The following KCNK5 variants were observed in gnomAD, a reference collection of about 807,000 sequenced individuals.
The protein encoded by KCNK5 is potassium two pore domain channel subfamily K member 5.
Under a neutral mutation model 32.9 loss-of-function variants are expected in KCNK5, and 18 were observed. The observed-to-expected ratio is 0.55, with a 90% CI of 0.38 to 0.81. The LOEUF is 0.81. Ranked by LOEUF, KCNK5 falls within the 30% of genes least tolerant of loss-of-function variation. KCNK5 has a pLI of 0.00. For missense variants in KCNK5, 507 were observed against 651.0 expected, an observed-to-expected ratio of 0.78 and a Z score of 2.41; for synonymous variants, 276 against 275.3, an observed-to-expected ratio of 1.00 and a Z score of -0.03.
intron 1 of KCNK5, among the ~76,000 whole-genome samples, chr6:39,200,080 G>C (rs1562052120): frequency 6.6e-6 from 1 of 152,218 alleles, no homozygotes; most frequent in African/African-American, 2.4e-5. Flanking sequence ...CCATCACTGG[G>C]TTAGGGGAAG....
intron 1 of KCNK5, among the ~76,000 whole-genome samples, chr6:39,208,950 C>T (rs929487052): frequency 3.9e-5 from 6 of 152,132 alleles, no homozygotes; most frequent in African/African-American, 1.2e-4. Context: ...ATTAGCTGGG[C>T]ATGGTGGTGC....
intron 1 of KCNK5, among the ~76,000 whole-genome samples, chr6:39,217,140 A>AAAAG (rs1562057370): frequency 2.7e-5 from 4 of 146,302 alleles, no homozygotes; most frequent in Admixed American, 6.8e-5. Flanking sequence ...AAAAAAAAAA[A>AAAAG]AAAGAAAGAA....
Position 39,194,415 on chromosome 6 carries a change from G to C in KCNK5, c.466-78C>G. ...GCAAAGGCACCCAGAGGGCCAGGGAGGCAGCTAGAGGAGAAGCTAGCTGGG... is the reference window on the plus strand; with the variant it reads ...GCAAAGGCACCCAGAGGGCCAGGGACGCAGCTAGAGGAGAAGCTAGCTGGG... On this transcript the variant is annotated intron_variant, in intron 3 of 4. Transcript: ENST00000359534. This position sits in a 1 kb window ranked among gnomAD's most constrained non-coding sequence, Gnocchi z 4.7. 1 of 1,503,988 alleles carries C rather than the reference G, an allele frequency of 6.6e-7. No homozygotes were observed. The allele number at this position is 1,503,988 out of a possible 1,614,324, so 93.2% of individuals were successfully genotyped here. A position where few individuals can be genotyped will look rare whatever the true frequency, so the allele number is the denominator to read the frequency against.
intron 1 of KCNK5, among the ~76,000 whole-genome samples, chr6:39,211,603 A>G (rs898520586): frequency 6.6e-6 from 1 of 152,236 alleles, no homozygotes; most frequent in African/African-American, 2.4e-5. Context: ...CCCACTGGCT[A>G]CGGAGCACTA....
At chr6:39,195,032 C>T (rs1771005254) in intron 2 of KCNK5, among the ~76,000 whole-genome samples, 1 of 152,166 alleles carries the variant, frequency 6.6e-6, no homozygotes, top group Non-Finnish European at 1.5e-5. Context: ...CTATATGGTA[C>T]CACTGTGCAA....
Position 39,191,185 on chromosome 6 carries a change from C to A in KCNK5, c.1205G>T (p.Cys402Phe). ...MNQLDRISEE[C>F]EPWDAQDYHP... ...GTAGTCCTGGGCGTCCCATGGCTCG[C>A]ATTCCTCGCTGATGCGGTCCAGCTG... Residue 402 changes from cysteine to phenylalanine, a missense_variant, in exon 5 of 5, where the codon TGC becomes TTC. Physicochemically the swap from Cys to Phe is radical, Grantham distance 205 (BLOSUM62 -2). Coordinates refer to ENST00000359534, the MANE Select transcript of KCNK5 (RefSeq NM_003740.4). The surrounding 1 kb of genome is among the most constrained non-coding windows in gnomAD (Gnocchi z 5.8). 1 of 1,614,220 alleles carries A rather than the reference C, an allele frequency of 6.2e-7. No individual in the cohort carries two copies. Among genetic ancestry groups the A allele is most frequent in the Non-Finnish European group, 8.5e-7 (1 of 1,180,046 alleles).
At chr6:39,228,839 C>A (rs1018254267) in intron 1 of KCNK5, 87 bp downstream of exon 1, 5 of 1,364,384 alleles carry the variant, frequency 3.7e-6, no homozygotes, top group Non-Finnish European at 4.1e-6. Context: ...TGAGGGTCAC[C>A]CAAAGCTGTG....
chr6:39,194,432 C>T lies in KCNK5; in HGVS notation c.466-95G>A. ...GCCAGGGAGGCAGCTAGAGGAGAAG[C>T]TAGCTGGGTACCCAGCCTGACCCGG... On this transcript the variant is annotated intron_variant, in intron 3 of 4. Transcript: ENST00000359534. This position sits in a 1 kb window ranked among gnomAD's most constrained non-coding sequence, Gnocchi z 4.7. 6.9e-7 allele frequency: 1 copy of T among 1,453,130 alleles called. No individual in the cohort carries two copies. The highest frequency in any genetic ancestry group is 1.3e-5 in the South Asian group (1 of 74,816). The allele number at this position is 1,453,130 out of a possible 1,614,324, so 90.0% of individuals were successfully genotyped here. A position where few individuals can be genotyped will look rare whatever the true frequency, so the allele number is the denominator to read the frequency against.
intron 1 of KCNK5, among the ~76,000 whole-genome samples, chr6:39,220,024 T>G (rs1017746842): frequency 3.3e-5 from 5 of 152,162 alleles, no homozygotes; most frequent in Admixed American, 6.5e-5. Context: ...TACACAGTAG[T>G]TCAGATGAGG....
At position 39,215,855 on chromosome 6, in the gene KCNK5, G is replaced by A. The variant is rs537667771; in HGVS notation, c.186+13071C>T. ...ACCACAAACCTGTCAAGCAGCAGGCGTTAGAAGCAGTAAACAAAAGTCAGG... is the reference window on the plus strand; with the variant it reads ...ACCACAAACCTGTCAAGCAGCAGGCATTAGAAGCAGTAAACAAAAGTCAGG... On this transcript the variant is annotated intron_variant, in intron 1 of 4. Transcript: ENST00000359534. Among the ~76,000 whole-genome samples the A allele has an allele frequency of 7.9e-5, 12 of 152,312 alleles. No homozygotes were observed. The East Asian group carries it at 1.7e-3, about 22-fold the overall frequency.
chr6:39,223,159 A>G lies in KCNK5; in HGVS notation c.186+5767T>C, dbSNP rs150930456. ...GACCGCTCCATTGCAGCATAGGAATATCTGGGCATAGCAGAAATGGCAGCT... is the reference window on the plus strand; with the variant it reads ...GACCGCTCCATTGCAGCATAGGAATGTCTGGGCATAGCAGAAATGGCAGCT... On this transcript the variant is annotated intron_variant, in intron 1 of 4. Coordinates refer to ENST00000359534, the MANE Select transcript of KCNK5 (RefSeq NM_003740.4). Among the ~76,000 whole-genome samples, 569 of 152,334 alleles carry G rather than the reference A, an allele frequency of 3.7e-3. 2 individuals carry two copies. The highest frequency in any genetic ancestry group is 0.011 in the East Asian group (57 of 5,186).
In KCNK5 at chr6:39,216,295, T is replaced by TAAACAAAACAA. The variant is rs1771435598; in HGVS notation, c.186+12620_186+12630dup. Among the ~76,000 whole-genome samples the TAAACAAAACAA allele has an allele frequency of 2.0e-5, 3 of 151,930 alleles. No homozygotes were observed. In the South Asian group the frequency reaches 6.3e-4, roughly 32 times the overall value. On this transcript the variant is annotated intron_variant, in intron 1 of 4. Transcript: ENST00000359534. ...GTGAGACTCCATCTCAAAACAAAAC[T>TAAACAAAACAA]AAACAAAACAAAAACAAAAAAACTA...
intron 1 of KCNK5, among the ~76,000 whole-genome samples, chr6:39,219,278 GTCCC>G (rs1357942431): frequency 6.6e-6 from 1 of 152,244 alleles, no homozygotes; most frequent in Admixed American, 6.5e-5. Flanking sequence ...ATTCTGTAAA[GTCCC>G]TCCCTCAAAG....
chr6:39,189,590 A>T lies in KCNK5; in HGVS notation c.*1300T>A, dbSNP rs1174492932. The T allele has an allele frequency of 1.8e-4, 27 of 152,708 alleles. No individual in the cohort carries two copies. The highest frequency in any genetic ancestry group is 1.8e-3 in the Admixed American group (27 of 15,288). 9.5% of individuals were successfully genotyped at this position (152,708 alleles called of 1,614,324 possible). A position where few individuals can be genotyped will look rare whatever the true frequency, so the allele number is the denominator to read the frequency against. On this transcript the variant is annotated 3_prime_UTR_variant, in exon 5 of 5. Transcript: ENST00000359534. ...AAAAAATAACAAAAACATTCAGGAC[A>T]CAGTGGGCCAGCCCCAGGGTGAACA...
chr6:39,195,202 C>T (rs1393020822), intron 2 of KCNK5, among the ~76,000 whole-genome samples: 1 of 152,230 alleles, frequency 6.6e-6, no homozygotes, highest in African/African-American at 2.4e-5. Flanking sequence ...GGCTTGACAA[C>T]AGAAGCAGTC....
chr6:39,203,318 G>C (rs904434789), intron 1 of KCNK5, among the ~76,000 whole-genome samples: 2 of 152,228 alleles, frequency 1.3e-5, no homozygotes, highest in Admixed American at 1.3e-4. Context: ...TTCCAGAGAT[G>C]TTCCCTGGCC....
intron 1 of KCNK5, among the ~76,000 whole-genome samples, chr6:39,207,332 C>T (rs1038762434): frequency 1.3e-5 from 2 of 152,236 alleles, no homozygotes; most frequent in Admixed American, 6.5e-5. Flanking sequence ...CAAGGAGAGA[C>T]TCATGGATCC....
At chr6:39,198,573 G>C (rs1164958002) in intron 1 of KCNK5, among the ~76,000 whole-genome samples, 2 of 152,212 alleles carry the variant, frequency 1.3e-5, no homozygotes, top group Non-Finnish European at 1.5e-5. Flanking sequence ...GTAGAGGATT[G>C]AAGGGAAAAG....
intron 1 of KCNK5, among the ~76,000 whole-genome samples, chr6:39,201,979 A>G (rs756631832): frequency 3.2e-4 from 48 of 152,276 alleles, no homozygotes; most frequent in Non-Finnish European, 7.4e-5. Flanking sequence ...GACGGGGGTG[A>G]AAGGCATGCA....
Sources: allele counts gnomAD v4.1 joint callset (sites outside exome capture counted in the v4.1 genomes callset), GRCh38; gene constraint gnomAD v4.1.1; non-coding constraint Gnocchi (gnomAD v3.1); transcripts MANE v1.5; gene names NCBI Gene and HGNC (gene_info 2026-07-23, HGNC 2026-07-21).